Variants in METTL23 observed in about 807,000 individuals in gnomAD.
The protein encoded by METTL23 is methyltransferase 23, arginine.
Under a neutral mutation model 21.2 loss-of-function variants are expected in METTL23, and 24 were observed. The observed-to-expected ratio is 1.13, with a 90% CI of 0.82 to 1.59. The LOEUF (loss-of-function observed/expected upper bound fraction) is 1.59. Ranked by LOEUF, METTL23 falls within the 40% of genes most tolerant of loss-of-function variation. METTL23 has a pLI of 0.00. For missense variants in METTL23, 276 were observed against 221.4 expected (o/e 1.25, Z -1.57); for synonymous variants, 97 against 75.2 (o/e 1.29, Z -1.50).
intron 1 of METTL23, among the ~76,000 whole-genome samples, chr17:76,728,900 T>G (rs914454437): frequency 1.3e-5 from 2 of 150,492 alleles, no homozygotes; most frequent in African/African-American, 4.9e-5. Flanking sequence ...TTCACGCCAT[T>G]TTCCTGTCTC....
intron 2 of METTL23, 66 bp from the exon 3 acceptor site, chr17:76,732,912 C>T: frequency 1.5e-6 from 2 of 1,310,192 alleles, no homozygotes; most frequent in East Asian, 2.5e-5. Flanking sequence ...TGAAAAAGTA[C>T]TAAGATTCCC....
chr17:76,733,091 C>G lies in METTL23; in HGVS notation c.198C>G (p.Cys66Trp). The change falls in exon 3 of 5, where the codon TGC becomes TGG. Residue 66 changes from cysteine (C) to tryptophan (W), a missense_variant. Coordinates refer to ENST00000341249, the MANE Select transcript of METTL23 (RefSeq NM_001080510.5). Reference protein sequence around the residue: ...PHCLEVCRQSCQMNNLPHLQV... With the variant: ...PHCLEVCRQSWQMNNLPHLQV... ...GTCTGGAAGTCTGTCGGCAAAGCTG[C>G]CAAATGAATAACCTGCCACATCTGC... 6.2e-7 allele frequency: 1 copy of G among 1,612,300 alleles called. No homozygotes were observed. Among genetic ancestry groups the G allele is most frequent in the Non-Finnish European group, 8.5e-7 (1 of 1,179,152 alleles).
chr17:76,726,259 G>A (rs2076929939), upstream of METTL23: 1 of 1,456,214 alleles, frequency 6.9e-7, no homozygotes, highest in Non-Finnish European at 9.0e-7. Context: ...GGGCGCTCGG[G>A]GCGAGGGCAG....
At chr17:76,728,496 C>T (rs560729731) in intron 1 of METTL23, among the ~76,000 whole-genome samples, 7 of 150,654 alleles carry the variant, frequency 4.6e-5, no homozygotes, top group Admixed American at 2.0e-4. Context: ...CTGCAACCTC[C>T]GCCTCGTGGG....
chr17:76,733,177 ATAT>A lies in METTL23; in HGVS notation c.288_290del (p.Ile97del), dbSNP rs763396199. 1.8e-5 allele frequency: 29 copies of A among 1,613,922 alleles called. No individual in the cohort carries two copies. Among genetic ancestry groups the A allele is most frequent in the Middle Eastern group, 1.6e-4 (1 of 6,062 alleles). On this transcript the variant is annotated inframe_deletion, in exon 3 of 5. Transcript: ENST00000341249. ...GATCTTCTGGCTCTACCACCACAAGATATTATCCTTGCATCTGATGTGTTCTTT... is the reference window on the plus strand; with the variant it reads ...GATCTTCTGGCTCTACCACCACAAGATATCCTTGCATCTGATGTGTTCTTT...
chr17:76,732,648 AAT>A (rs1218912014), intron 2 of METTL23: 2 of 333,496 alleles, frequency 6.0e-6, no homozygotes, highest in African/African-American at 4.2e-5. Flanking sequence ...GTCTCAAAAA[AAT>A]AAAACAAAAC....
At position 76,733,603 on chromosome 17, in the gene METTL23, A is replaced by T; in HGVS notation, c.490A>T (p.Lys164Ter). The T allele has an allele frequency of 6.2e-7, 1 of 1,613,924 alleles. No individual in the cohort carries two copies. The change falls in exon 5 of 5, where the codon AAA (lysine) becomes TAA (stop). Residue 164 changes from lysine to a stop codon, truncating the protein, a stop_gained. Coordinates refer to ENST00000341249, the MANE Select transcript of METTL23 (RefSeq NM_001080510.5). LOFTEE classifies it high-confidence loss of function. ...TCCTCTTGAGTCTTTTGATGCAGAC[A>T]AAGAAGATATAGCAGAATCTACCCT... ...HIPLESFDADKEDIAESTLPG... is the reference protein window; with the variant it reads ...HIPLESFDAD
chr17:76,727,705 A>G (rs897067262), intron 1 of METTL23, among the ~76,000 whole-genome samples: 8 of 152,272 alleles, frequency 5.3e-5, no homozygotes, highest in Non-Finnish European at 1.0e-4. Flanking sequence ...GCTCACAGCT[A>G]CAACAAAACT....
In METTL23 at chr17:76,726,859, C is replaced by G. The variant is rs574736876; in HGVS notation, c.-341C>G. The G allele has an allele frequency of 4.5e-6, 2 of 441,400 alleles. No individual in the cohort carries two copies. Among genetic ancestry groups the G allele is most frequent in the Admixed American group, 2.4e-5 (1 of 41,916 alleles). The allele number at this position is 441,400 out of a possible 1,614,324, so 27.3% of individuals were successfully genotyped here. On this transcript the variant is annotated 5_prime_UTR_variant, in exon 1 of 5. Coordinates refer to ENST00000341249, the MANE Select transcript of METTL23 (RefSeq NM_001080510.5). ...CCATCACTTCCGGTCGCGCCAGCCGCCCGTTGCCAGTTCTGCGCGTGTGAG... is the reference window on the plus strand; with the variant it reads ...CCATCACTTCCGGTCGCGCCAGCCGGCCGTTGCCAGTTCTGCGCGTGTGAG...
chr17:76,728,806 T>TG (rs1428158257), intron 1 of METTL23, among the ~76,000 whole-genome samples: 1 of 149,944 alleles, frequency 6.7e-6, no homozygotes. Context: ...TTTTTTTTTT[T>TG]TTTTGGAGTT....
rs755884941 is a variant in METTL23, at chr17:76,733,547, T to G, written c.434T>G (p.Leu145Arg). Residue 145 changes from leucine (L) to arginine (R), a missense_variant, in exon 5 of 5, where the codon CTC (leucine) becomes CGC (arginine). Leu to Arg is a moderately radical substitution (Grantham distance 102). Coordinates refer to ENST00000341249, the MANE Select transcript of METTL23 (RefSeq NM_001080510.5). ...GCTGACTGGTCACTTGAAGCTTTAC[T>G]CTACAAATGGGATATGAAATGTGTC... ...RSADWSLEAL[L>R]YKWDMKCVHI... 4 of 1,612,600 alleles carry G rather than the reference T, an allele frequency of 2.5e-6. No homozygotes were observed. Among genetic ancestry groups the G allele is most frequent in the Non-Finnish European group, 3.4e-6 (4 of 1,179,390 alleles).
intron 1 of METTL23, among the ~76,000 whole-genome samples, chr17:76,729,268 CA>C (rs1184700236): frequency 2.0e-5 from 3 of 151,078 alleles, no homozygotes; most frequent in African/African-American, 7.3e-5. Context: ...TTAGTAGAGA[CA>C]GGGGTTTCAC....
At chr17:76,732,897 T>C in intron 2 of METTL23, 81 bp from the exon 3 acceptor site, 1 of 1,171,836 alleles carries the variant, frequency 8.5e-7, no homozygotes, top group Non-Finnish European at 1.2e-6. Flanking sequence ...AATGCAAGAA[T>C]ATAATGAAAA....
chr17:76,727,685 C>T (rs2077003660), intron 1 of METTL23, among the ~76,000 whole-genome samples: 1 of 152,260 alleles, frequency 6.6e-6, no homozygotes, highest in African/African-American at 2.4e-5. Context: ...GACCTCGCTT[C>T]TTCCTCTAAG....
At chr17:76,726,621 G>A (rs2076945571), upstream of METTL23, 1 of 1,112,974 alleles carries the variant, frequency 9.0e-7, no homozygotes, top group African/African-American at 1.6e-5. Flanking sequence ...TCGCCTTCCA[G>A]AAAATTCACT....
At chr17:76,732,724 C>T in intron 2 of METTL23, 1 of 527,852 alleles carries the variant, frequency 1.9e-6, no homozygotes, top group East Asian at 3.3e-5. Context: ...CAATTAACTG[C>T]CAGTTACGAT....
chr17:76,733,064 C>G lies in METTL23; in HGVS notation c.171C>G (p.His57Gln), dbSNP rs756934146. 3.7e-6 allele frequency: 6 copies of G among 1,607,308 alleles called. No individual in the cohort carries two copies. The highest frequency in any genetic ancestry group is 5.1e-6 in the Non-Finnish European group (6 of 1,176,432). Residue 57 changes from histidine (H) to glutamine (Q), a missense_variant, in exon 3 of 5, where the codon CAC becomes CAG. Coordinates refer to ENST00000341249, the MANE Select transcript of METTL23 (RefSeq NM_001080510.5). ...TGTCAGACAGCTCAGAACTGCCTCA[C>G]TGTCTGGAAGTCTGTCGGCAAAGCT... Reference protein sequence around the residue: ...VILSDSSELPHCLEVCRQSCQ... With the variant: ...VILSDSSELPQCLEVCRQSCQ...
At position 76,726,888 on chromosome 17, in the gene METTL23, CTT is replaced by C; in HGVS notation, c.-310_-309del. On this transcript the variant is annotated 5_prime_UTR_variant, in exon 1 of 5. Transcript: ENST00000341249. ...TTGCCAGTTCTGCGCGTGTGAGTCT[CTT>C]TCGCCTTGCTCCGGGCTTTCTTCGC... is the stretch of plus-strand genomic sequence containing the variant. 1 of 451,310 alleles carries C rather than the reference CTT, an allele frequency of 2.2e-6. No individual in the cohort carries two copies. The highest frequency in any genetic ancestry group is 4.5e-6 in the Non-Finnish European group (1 of 222,444). 28.0% of individuals were successfully genotyped at this position (451,310 alleles called of 1,614,324 possible).
rs144891144 is a variant in METTL23, at chr17:76,729,588, C to G, written c.-21-102C>G. On this transcript the variant is annotated intron_variant, in intron 1 of 4. Coordinates refer to ENST00000341249, the MANE Select transcript of METTL23 (RefSeq NM_001080510.5). ...GTCGTGGATTGGTGAACAGGGCTGC[C>G]ATTTTTGTAATGGATGCCAATGCCT... 2,129 of 765,486 alleles carry G rather than the reference C, an allele frequency of 2.8e-3. 13 individuals carry two copies. The highest frequency in any genetic ancestry group is 4.1e-3 in the Non-Finnish European group (1,866 of 451,074). The allele number at this position is 765,486 out of a possible 1,614,324, so 47.4% of individuals were successfully genotyped here.
Sources: allele counts gnomAD v4.1 joint callset (sites outside exome capture counted in the v4.1 genomes callset), GRCh38; gene constraint gnomAD v4.1.1; transcripts MANE v1.5; gene names NCBI Gene and HGNC (gene_info 2026-07-23, HGNC 2026-07-21).